Variants in DPM1 observed in about 807,000 individuals in gnomAD.
The protein encoded by DPM1 is dolichol-phosphate mannosyltransferase subunit 1.
DPM1 carries 27 observed loss-of-function variants against 39.0 expected under a neutral mutation model. That is an observed-to-expected ratio of 0.69 (90% CI 0.51 to 0.95). The LOEUF is 0.95. Ranked by LOEUF, DPM1 falls within the 40% of genes least tolerant of loss-of-function variation. The probability of loss-of-function intolerance (pLI) is 0.00; values close to 1 mark genes in which losing one functional copy is unlikely to be tolerated. For missense variants in DPM1, 307 were observed against 315.6 expected (o/e 0.97, Z 0.21); for synonymous variants, 124 against 109.0 (o/e 1.14, Z -0.86).
At position 50,945,282 on chromosome 20, in the gene DPM1, T is replaced by TG. The variant is rs879804732; in HGVS notation, c.398+454dup. 831 of 104,216 alleles carry TG rather than the reference T, an allele frequency of 8.0e-3. 11 individuals carry two copies. The highest frequency in any genetic ancestry group is 0.075 in the East Asian group (300 of 4,022). 6.5% of individuals were successfully genotyped at this position (104,216 alleles called of 1,614,324 possible). A position where few individuals can be genotyped will look rare whatever the true frequency, so the allele number is the denominator to read the frequency against. On this transcript the variant is annotated intron_variant, in intron 5 of 8. Transcript: ENST00000371588. ...AATACATCATTTAGTCTCAAATGTG[T>TG]GTTGTGTGTGTGTGTGTGTGTGTGT...
Position 50,934,901 on chromosome 20 carries a change from A to G in DPM1, c.*231T>C. On this transcript the variant is annotated 3_prime_UTR_variant, in exon 9 of 9. Coordinates refer to ENST00000371588, the MANE Select transcript of DPM1 (RefSeq NM_003859.3). Reference sequence around the variant, plus strand: ...CAAAAAAAAATATACATTTATTTATAGGTCTCAATACAGCAAAATGAAAAC... The same window carrying G: ...CAAAAAAAAATATACATTTATTTATGGGTCTCAATACAGCAAAATGAAAAC... 1 of 359,022 alleles carries G rather than the reference A, an allele frequency of 2.8e-6. No homozygotes were observed. The highest frequency in any genetic ancestry group is 5.1e-6 in the Non-Finnish European group (1 of 196,208). 22.2% of individuals were successfully genotyped at this position (359,022 alleles called of 1,614,324 possible).
chr20:50,951,367 T>G (rs1443986623), intron 2 of DPM1, among the ~76,000 whole-genome samples: 1 of 152,232 alleles, frequency 6.6e-6, no homozygotes, highest in Non-Finnish European at 1.5e-5. Flanking sequence ...ATGGCAGTTA[T>G]GTTTTAAAAA....
chr20:50,952,123 G>A (rs1394223224), intron 2 of DPM1, among the ~76,000 whole-genome samples: 1 of 152,160 alleles, frequency 6.6e-6, no homozygotes, highest in Middle Eastern at 3.2e-3. Flanking sequence ...ATAAAGAGGC[G>A]TGACAAAGCC....
At chr20:50,942,729 C>G (rs1985947630) in intron 5 of DPM1, among the ~76,000 whole-genome samples, 2 of 152,110 alleles carry the variant, frequency 1.3e-5, no homozygotes, top group African/African-American at 4.8e-5. Flanking sequence ...TTCTTTGAAG[C>G]AAATAATACT....
At chr20:50,935,563 G>A (rs1985076796) in intron 8 of DPM1, among the ~76,000 whole-genome samples, 2 of 152,152 alleles carry the variant, frequency 1.3e-5, no homozygotes, top group Admixed American at 1.3e-4. Flanking sequence ...CTTGTGCGTA[G>A]ATTTTTCACT....
At chr20:50,953,550 T>C in intron 2 of DPM1, among the ~76,000 whole-genome samples, 1 of 152,338 alleles carries the variant, frequency 6.6e-6, no homozygotes, top group Admixed American at 6.5e-5. Flanking sequence ...TTAAATGTCA[T>C]AAAATAATGA....
chr20:50,949,613 T>C (rs2092369244), intron 2 of DPM1, among the ~76,000 whole-genome samples: 1 of 152,232 alleles, frequency 6.6e-6, no homozygotes. Context: ...AAGTTCTCAC[T>C]GTGCCCTACG....
At chr20:50,949,563 GT>G (rs1191700442) in intron 2 of DPM1, among the ~76,000 whole-genome samples, 1 of 152,092 alleles carries the variant, frequency 6.6e-6, no homozygotes, top group Non-Finnish European at 1.5e-5. Flanking sequence ...TACTTGTTTA[GT>G]TTTTCCTTTT....
rs551039021 is a variant in DPM1 at position 50,949,622 on chromosome 20, C to T, written c.262-960G>A. 1.8e-4 allele frequency among the ~76,000 whole-genome samples: 28 copies of T among 152,300 alleles called. No individual in the cohort carries two copies. The South Asian group carries it at 3.5e-3, about 19-fold the overall frequency. On this transcript the variant is annotated intron_variant, in intron 2 of 8. Coordinates refer to ENST00000371588, the MANE Select transcript of DPM1 (RefSeq NM_003859.3). ...ATGCCAAAGTTCTCACTGTGCCCTACGTTTCTGAGGTATGGGGTTCAGGGA... is the reference window on the plus strand; with the variant it reads ...ATGCCAAAGTTCTCACTGTGCCCTATGTTTCTGAGGTATGGGGTTCAGGGA...
chr20:50,958,491 G>C lies in DPM1; in HGVS notation c.33C>G (p.Arg11=). The part of the protein sequence containing the change: MASLEVSRSP[R]RSRRELEVRS... ...GCACTTCCAGCTCCCGCCGAGACCT[G>C]CGAGGACTACGACTGACTTCCAAGG... The change falls in exon 1 of 9, where the codon CGC becomes CGG. Residue 11 remains arginine, a synonymous_variant. Transcript: ENST00000371588. 2 of 1,613,914 alleles carry C rather than the reference G, an allele frequency of 1.2e-6. No homozygotes were observed. The highest frequency in any genetic ancestry group is 1.3e-5 in the African/African-American group (1 of 75,020).
At chr20:50,943,605 C>G (rs141428024) in intron 5 of DPM1, among the ~76,000 whole-genome samples, 1 of 152,040 alleles carries the variant, frequency 6.6e-6, no homozygotes, top group Non-Finnish European at 1.5e-5. Flanking sequence ...ATGATCCGCC[C>G]GCCTCAGCCT....
intron 5 of DPM1, chr20:50,944,690 T>C (rs536966430): frequency 6.6e-6 from 1 of 152,264 alleles, no homozygotes. Flanking sequence ...TCTGTTTTTA[T>C]GTATCTAGCT....
chr20:50,945,759 T>C lies in DPM1; in HGVS notation c.376A>G (p.Lys126Glu), dbSNP rs765251253. 2.5e-6 allele frequency: 4 copies of C among 1,591,050 alleles called. No individual in the cohort carries two copies. Among genetic ancestry groups the C allele is most frequent in the African/African-American group, 2.7e-5 (2 of 74,352 alleles). ...TACCTAATAAATTCAGGAATAAATTTTGGCTGAAATTTGAAAAGAATAAAC... is the reference window on the plus strand; with the variant it reads ...TACCTAATAAATTCAGGAATAAATTCTGGCTGAAATTTGAAAAGAATAAAC... ...IMDADLSHHP[K>E]FIPEFIRKQK... is the part of the protein sequence containing the mutation. The change falls in exon 5 of 9, where the codon AAA (lysine) becomes GAA (glutamate). Residue 126 changes from lysine to glutamate, a missense_variant. By Grantham distance (56) the Lys-to-Glu change is moderately conservative. Coordinates refer to ENST00000371588, the MANE Select transcript of DPM1 (RefSeq NM_003859.3).
Position 50,942,030 on chromosome 20 carries a change from C to T in DPM1, c.494+1G>A, listed in dbSNP as rs1985879832. The T allele has an allele frequency of 6.2e-7, 1 of 1,610,300 alleles. No individual in the cohort carries two copies. The highest frequency in any genetic ancestry group is 1.1e-5 in the South Asian group (1 of 91,000). ...AAAGAAGTTGTAACACATGTACCTA[C>T]CTGATTATTTTTCTTTTCAAATCCC... On this transcript the variant is annotated splice_donor_variant, in intron 6 of 8. Coordinates refer to ENST00000371588, the MANE Select transcript of DPM1 (RefSeq NM_003859.3). LOFTEE classifies it high-confidence loss of function.
chr20:50,941,954 A>C (rs922555325), intron 6 of DPM1, 77 bp downstream of exon 6: 2 of 1,247,994 alleles, frequency 1.6e-6, no homozygotes, highest in African/African-American at 3.0e-5. Flanking sequence ...GGGCAGCATG[A>C]TAGCTAATCC....
chr20:50,937,140 G>A (rs1457868523), intron 7 of DPM1, among the ~76,000 whole-genome samples: 1 of 151,858 alleles, frequency 6.6e-6, no homozygotes, highest in East Asian at 1.9e-4. Context: ...GCAAGAAGAG[G>A]CAGTTTGGTG....
intron 5 of DPM1, among the ~76,000 whole-genome samples, chr20:50,942,746 A>G (rs1171937120): frequency 6.6e-6 from 1 of 152,230 alleles, no homozygotes. Flanking sequence ...TACTAAAAAC[A>G]GCCTGATGTC....
At position 50,948,535 on chromosome 20, in the gene DPM1, G is replaced by A. The variant is rs1296752394; in HGVS notation, c.295+94C>T. The stretch of plus-strand genomic sequence containing the variant: ...TTAAAAACCATCATAGGAAGTTACT[G>A]TATTTTGGCCCTATTCCAAACTGGG... On this transcript the variant is annotated intron_variant, in intron 3 of 8. Coordinates refer to ENST00000371588, the MANE Select transcript of DPM1 (RefSeq NM_003859.3). 7 of 1,133,292 alleles carry A rather than the reference G, an allele frequency of 6.2e-6. No individual in the cohort carries two copies. The Admixed American group carries it at 1.2e-4, about 19-fold the overall frequency. 70.2% of individuals were successfully genotyped at this position (1,133,292 alleles called of 1,614,324 possible).
At chr20:50,955,306 T>G in intron 1 of DPM1, 21 bp from the exon 2 acceptor site, 1 of 1,510,436 alleles carries the variant, frequency 6.6e-7, no homozygotes, top group Non-Finnish European at 9.2e-7. Context: ...TAAATTTGTA[T>G]TAATGACTGA....
Sources: allele counts gnomAD v4.1 joint callset (sites outside exome capture counted in the v4.1 genomes callset), GRCh38; gene constraint gnomAD v4.1.1; transcripts MANE v1.5; gene names NCBI Gene and HGNC (gene_info 2026-07-23, HGNC 2026-07-21).